The following KCNQ2 variants were observed in gnomAD, a reference collection of about 807,000 sequenced individuals.
KCNQ2 encodes the protein potassium voltage-gated channel subfamily Q member 2, also known as potassium voltage-gated channel subfamily KQT member 2.
KCNQ2 carries 14 observed loss-of-function variants against 84.8 expected under a neutral mutation model. That is an observed-to-expected ratio of 0.17 (90% CI 0.11 to 0.26). The LOEUF is 0.26. Among genes scored for constraint, KCNQ2 ranks in the 10% least tolerant of loss-of-function variants. The probability of loss-of-function intolerance (pLI) is 1.00; values close to 1 mark genes in which losing one functional copy is unlikely to be tolerated. For synonymous variants in KCNQ2, 599 were observed against 554.1 expected, an observed-to-expected ratio of 1.08 and a Z score of -1.14; for missense variants, 788 against 1,254.0, an observed-to-expected ratio of 0.63 and a Z score of 5.61.
intron 10 of KCNQ2, chr20:63,424,492 A>G (rs572079756): frequency 1.1e-5 from 6 of 525,840 alleles, no homozygotes; most frequent in Non-Finnish European, 2.0e-5. Flanking sequence ...CCACATTTAC[A>G]GACACTCATT....
chr20:63,439,506 A>C, intron 6 of KCNQ2, 92 bp downstream of exon 6: 1 of 951,420 alleles, frequency 1.1e-6, no homozygotes, highest in Non-Finnish European at 1.7e-6. Flanking sequence ...CCCAGGTCCC[A>C]CCTAGGGAAC....
rs1464876242 is a variant in KCNQ2, at chr20:63,400,824, CGT to C, written c.*5818_*5819del. ...TCCGTGAGACCCCTCCTGCCCTGCG[CGT>C]GTCTCTGGAGCCCGTCCCTTGGGCC... is the stretch of plus-strand genomic sequence containing the variant. On this transcript the variant is annotated 3_prime_UTR_variant, in exon 17 of 17. Transcript: ENST00000359125. The surrounding 1 kb of genome is among the most constrained non-coding windows in gnomAD (Gnocchi z 8.7). The C allele has an allele frequency of 2.0e-4, 81 of 398,334 alleles. No homozygotes were observed. The highest frequency in any genetic ancestry group is 7.1e-5 in the East Asian group (2 of 28,084). The allele number at this position is 398,334 out of a possible 1,614,324, so 24.7% of individuals were successfully genotyped here.
intron 1 of KCNQ2, chr20:63,447,429 G>A (rs62208036): frequency 0.071 from 11,031 of 154,600 alleles, 477 homozygotes; most frequent in Middle Eastern, 0.14. Flanking sequence ...CCTTCCTCCC[G>A]GGTTGCAGGC....
rs974502886 is a variant in KCNQ2 at position 63,414,195 on chromosome 20, TG to T, written c.1526-3del. The T allele has an allele frequency of 1.9e-6, 3 of 1,611,300 alleles. No homozygotes were observed. The highest frequency in any genetic ancestry group is 2.7e-5 in the African/African-American group (2 of 74,822). On this transcript the variant is annotated splice_region_variant and splice_polypyrimidine_tract_variant and intron_variant, in intron 13 of 16. Coordinates refer to ENST00000359125, the MANE Select transcript of KCNQ2 (RefSeq NM_172107.4). This position sits in a 1 kb window ranked among gnomAD's most constrained non-coding sequence, Gnocchi z 6.6. ...TGTCCTCTCCGGGGAGGCTTGCTTCTGGGGGGAAGGAGACAGGCCGTGAGGG... is the reference window on the plus strand; with the variant it reads ...TGTCCTCTCCGGGGAGGCTTGCTTCTGGGGGAAGGAGACAGGCCGTGAGGG...
At chr20:63,453,303 C>G (rs796985245) in intron 1 of KCNQ2, among the ~76,000 whole-genome samples, 2 of 152,268 alleles carry the variant, frequency 1.3e-5, no homozygotes, top group African/African-American at 4.8e-5. Context: ...CCGCCAGGAC[C>G]CCGAAGCTCC....
At chr20:63,413,275 G>A (rs1382992524) in intron 15 of KCNQ2, 175 bp downstream of exon 15, 1 of 704,546 alleles carries the variant, frequency 1.4e-6, no homozygotes, top group South Asian at 1.9e-5. Context: ...AGAGACAGCA[G>A]AAATATTAAA....
At chr20:63,413,208 C>T (rs534993853) in intron 15 of KCNQ2, 1 of 558,572 alleles carries the variant, frequency 1.8e-6, no homozygotes, top group African/African-American at 1.9e-5. Flanking sequence ...TTTTCAGGGA[C>T]CCACACACAC....
chr20:63,466,178 C>A (rs558221568), intron 1 of KCNQ2, among the ~76,000 whole-genome samples: 36 of 152,332 alleles, frequency 2.4e-4, no homozygotes, highest in African/African-American at 8.7e-4. Flanking sequence ...AGGGCAGGCA[C>A]CTTCGTTCCA....
intron 1 of KCNQ2, among the ~76,000 whole-genome samples, chr20:63,462,107 C>T (rs1384150490): frequency 2.2e-5 from 3 of 135,208 alleles, no homozygotes; most frequent in African/African-American, 5.8e-5. Flanking sequence ...GCTGCACCCA[C>T]CCCAGGGAGC....
In KCNQ2 at chr20:63,414,139, A is replaced by G; in HGVS notation, c.1580T>C (p.Phe527Ser). 6.2e-7 allele frequency: 1 copy of G among 1,613,696 alleles called. No individual in the cohort carries two copies. The highest frequency in any genetic ancestry group is 1.1e-5 in the South Asian group (1 of 91,078). Residue 527 changes from phenylalanine to serine, a missense_variant, in exon 14 of 17, where the codon TTT becomes TCT. Phe to Ser is a radical substitution (Grantham distance 155, BLOSUM62 -2). This residue lies in a region of KCNQ2 where 202 missense variants were observed against 239.4 expected (regional missense o/e 0.84). Transcript: ENST00000359125. The surrounding 1 kb of genome is among the most constrained non-coding windows in gnomAD (Gnocchi z 6.6). ...IVDDKSCPCE[F>S]VTEDLTPGLK... ...GCCCGGGGTCAGGTCCTCGGTCACA[A>G]ACTCGCAGGGGCAGCTCTTGTCATC...
chr20:63,433,500 C>T (rs1336547983), intron 8 of KCNQ2: 3 of 578,702 alleles, frequency 5.2e-6, no homozygotes, highest in East Asian at 5.9e-5. Context: ...CAGAGCAGCC[C>T]GGGGCGGGGG....
At chr20:63,461,092 C>T (rs1453171048) in intron 1 of KCNQ2, 1 of 152,248 alleles carries the variant, frequency 6.6e-6, no homozygotes, top group Non-Finnish European at 1.5e-5. Context: ...GTTTTCCACG[C>T]TTTCCCAGTC....
chr20:63,443,343 T>C (rs1432590200), intron 4 of KCNQ2, among the ~76,000 whole-genome samples: 94 of 7,162 alleles, frequency 0.013, no homozygotes, highest in Middle Eastern at 0.071. Context: ...ATCACCACCA[T>C]CACCACCACC....
intron 15 of KCNQ2, 171 bp downstream of exon 15, chr20:63,413,277 AAT>A: frequency 1.4e-6 from 1 of 706,882 alleles, no homozygotes; most frequent in Non-Finnish European, 2.4e-6. Flanking sequence ...AGACAGCAGA[AAT>A]ATTAAAACAG....
At chr20:63,449,758 G>A (rs1479787100) in intron 1 of KCNQ2, among the ~76,000 whole-genome samples, 1 of 150,770 alleles carries the variant, frequency 6.6e-6, no homozygotes, top group South Asian at 2.8e-4. Flanking sequence ...CAGTGTCTGC[G>A]GCCTGCAGGG....
At chr20:63,437,101 A>G (rs559555019) in intron 7 of KCNQ2, among the ~76,000 whole-genome samples, 1 of 152,274 alleles carries the variant, frequency 6.6e-6, no homozygotes, top group African/African-American at 2.4e-5. Context: ...TTCCATATGC[A>G]CTGGGAAACC....
In KCNQ2 at chr20:63,445,341, A is replaced by G. The variant is rs770751888; in HGVS notation, c.411T>C (p.Phe137=). 1.2e-6 allele frequency: 2 copies of G among 1,613,844 alleles called. No individual in the cohort carries two copies. Among genetic ancestry groups the G allele is most frequent in the Non-Finnish European group, 1.7e-6 (2 of 1,180,014 alleles). Residue 137 remains phenylalanine (F), a synonymous_variant, in exon 3 of 17, where the codon TTT becomes TTC. Coordinates refer to ENST00000359125, the MANE Select transcript of KCNQ2 (RefSeq NM_172107.4). ...YILEIVTIVV[F]GVEYFVRIWA... is the part of the protein sequence containing the mutation. ...AGATCCGCACGAAGTACTCCACGCCAAACACCACGATAGTCACGATTTCCT... is the reference window on the plus strand; with the variant it reads ...AGATCCGCACGAAGTACTCCACGCCGAACACCACGATAGTCACGATTTCCT...
At chr20:63,439,483 G>A (rs2081094560) in intron 6 of KCNQ2, 115 bp downstream of exon 6, 1 of 793,658 alleles carries the variant, frequency 1.3e-6, no homozygotes, top group South Asian at 1.4e-5. Context: ...GACCTGCTGA[G>A]AGCTGCTCCT....
chr20:63,444,614 C>T (rs1326632315), intron 4 of KCNQ2, 45 bp downstream of exon 4: 4 of 1,471,452 alleles, frequency 2.7e-6, no homozygotes, highest in Non-Finnish European at 2.7e-6. Context: ...CCAGGACTCT[C>T]GCTGGCTGGG....
Sources: gnomAD v4.1 joint callset for allele counts (sites outside exome capture counted in the v4.1 genomes callset) on GRCh38, gnomAD v4.1.1 for gene constraint, gnomAD v4.1.1 regional missense constraint, Gnocchi (gnomAD v3.1) non-coding constraint, MANE v1.5 for transcripts, NCBI Gene and HGNC (gene_info 2026-07-23, HGNC 2026-07-21) for gene names.